LAMA1: variants seen among roughly 807,000 people sequenced by gnomAD.
LAMA1 encodes laminin subunit alpha-1.
In LAMA1, 219 loss-of-function variants were observed where a neutral mutation model predicts 348.7. That is an observed-to-expected ratio of 0.63 (90% CI 0.56 to 0.70). The LOEUF (loss-of-function observed/expected upper bound fraction) is 0.70, where lower values mean the gene tolerates loss of function less well. Among genes scored for constraint, LAMA1 ranks in the 30% least tolerant of loss-of-function variants. LAMA1 has a pLI of 0.00. For synonymous variants in LAMA1, 1,487 were observed against 1,491.0 expected (o/e 1.00, Z 0.06); for missense variants, 3,744 against 3,888.0 (o/e 0.96, Z 0.99).
chr18:6,998,925 C>T lies in LAMA1; in HGVS notation c.4663+520G>A, dbSNP rs186237179. Among the ~76,000 whole-genome samples, 205 of 152,022 alleles carry T rather than the reference C, an allele frequency of 1.3e-3. No homozygotes were observed. In the Middle Eastern group the frequency reaches 0.024, roughly 18 times the overall value. The stretch of plus-strand genomic sequence containing the variant: ...GTGGACACCTGTGATCCCAGCTACT[C>T]GGGAGGCTGAGGCAGAGGAATCACT... On this transcript the variant is annotated intron_variant, in intron 32 of 62. Coordinates refer to ENST00000389658, the MANE Select transcript of LAMA1 (RefSeq NM_005559.4).
intron 5 of LAMA1, among the ~76,000 whole-genome samples, chr18:7,047,585 CA>C (rs1219607403): frequency 3.3e-5 from 5 of 152,008 alleles, no homozygotes; most frequent in Non-Finnish European, 7.4e-5. Flanking sequence ...CAGAAATTAA[CA>C]AACTGATTCT....
rs753520928 is a variant in LAMA1 at position 7,012,070 on chromosome 18, G to A, written c.3432C>T (p.Pro1144=). 1.9e-6 allele frequency: 3 copies of A among 1,613,044 alleles called. No homozygotes were observed. Among genetic ancestry groups the A allele is most frequent in the Non-Finnish European group, 2.5e-6 (3 of 1,179,562 alleles). The change falls in exon 24 of 63, where the codon CCC becomes CCT. Residue 1144 remains proline, a synonymous_variant. Transcript: ENST00000389658. ...EGTFALRADN[P]LGCSPCFCSG... ...AGCAGAAGCACGGGCTGCAGCCCAG[G>A]GGGTTGTCTGCGCGGAGAGCGAAGG... is the stretch of plus-strand genomic sequence containing the variant.
intron 44 of LAMA1, among the ~76,000 whole-genome samples, chr18:6,976,588 A>ACATTTATT (rs751868026): frequency 9.5e-4 from 141 of 148,308 alleles, no homozygotes; most frequent in African/African-American, 2.2e-3. Context: ...CCTTGGGCTT[A>ACATTTATT]TATTTATTTA....
chr18:7,004,026 G>C (rs148689655), intron 29 of LAMA1, among the ~76,000 whole-genome samples: 5 of 152,276 alleles, frequency 3.3e-5, no homozygotes, highest in Non-Finnish European at 7.3e-5. Flanking sequence ...TAGATGATGA[G>C]AGAGAATTGA....
chr18:6,983,288 A>G (rs2057720461), intron 39 of LAMA1, 54 bp from the exon 40 acceptor site: 4 of 1,596,638 alleles, frequency 2.5e-6, no homozygotes, highest in African/African-American at 1.3e-5. Context: ...AAACTTGCCA[A>G]TTCACTCACA....
chr18:7,007,884 G>A (rs984768686), intron 28 of LAMA1, among the ~76,000 whole-genome samples: 4 of 151,718 alleles, frequency 2.6e-5, no homozygotes, highest in Non-Finnish European at 5.9e-5. Flanking sequence ...CAAGCCATTC[G>A]CAAAAAGACA....
chr18:6,968,323 G>A (rs1340456992), intron 48 of LAMA1, among the ~76,000 whole-genome samples: 1 of 152,176 alleles, frequency 6.6e-6, no homozygotes, highest in African/African-American at 2.4e-5. Flanking sequence ...GGATAATCCG[G>A]AGCTGACCTA....
At chr18:7,031,804 TTTATA>T (rs1300772623) in intron 16 of LAMA1, among the ~76,000 whole-genome samples, 1 of 151,932 alleles carries the variant, frequency 6.6e-6, no homozygotes, top group Non-Finnish European at 1.5e-5. Flanking sequence ...AAACAATTAC[TTTATA>T]TTAATCTAAT....
intron 52 of LAMA1, 77 bp from the exon 53 acceptor site, chr18:6,961,836 T>C: frequency 6.4e-7 from 1 of 1,573,120 alleles, no homozygotes; most frequent in Non-Finnish European, 8.8e-7. Flanking sequence ...ACACTGCTGA[T>C]TTCCCCATCA....
In LAMA1 at chr18:7,010,308, C is replaced by T; in HGVS notation, c.3765G>A (p.Glu1255=). Residue 1255 remains glutamate, a synonymous_variant, in exon 26 of 63, where the codon GAG becomes GAA. Transcript: ENST00000389658. ...SLDGVGTSNF[E]PQVLIKGGRI... is the part of the protein sequence containing the mutation. ...GACCACCTTTGATGAGAACTTGAGG[C>T]TCAAAATTGGAGGTGCCGACGCCAT... is the stretch of plus-strand genomic sequence containing the variant. The T allele has an allele frequency of 6.2e-7, 1 of 1,614,172 alleles. No homozygotes were observed. Among genetic ancestry groups the T allele is most frequent in the Non-Finnish European group, 8.5e-7 (1 of 1,180,040 alleles).
intron 8 of LAMA1, chr18:7,042,754 A>G (rs477401): frequency 0.16 from 34,050 of 206,370 alleles, 10,196 homozygotes; most frequent in African/African-American, 0.68. Flanking sequence ...GTGGTGGAAC[A>G]TGCCTGTAAT....
chr18:7,016,707 A>C, intron 20 of LAMA1, 36 bp from the exon 21 acceptor site: 2 of 1,554,018 alleles, frequency 1.3e-6, no homozygotes, highest in East Asian at 2.3e-5. Context: ...GGAAACCAAC[A>C]TACGTTTTAA....
intron 3 of LAMA1, among the ~76,000 whole-genome samples, chr18:7,076,496 A>G (rs1179428517): frequency 6.6e-6 from 1 of 152,206 alleles, no homozygotes; most frequent in Non-Finnish European, 1.5e-5. Context: ...AAAACCATGA[A>G]GAAACAATCT....
Position 6,982,558 on chromosome 18 carries a change from C to T in LAMA1, c.5829G>A (p.Ala1943=), listed in dbSNP as rs779914431. 12 of 1,614,052 alleles carry T rather than the reference C, an allele frequency of 7.4e-6. No individual in the cohort carries two copies. The African/African-American group carries it at 1.2e-4, about 16-fold the overall frequency. ...LSESLVSNGK[A]AVQRSSRFLK... Reference sequence around the variant, plus strand: ...GAAATCTGGAGCTGCGCTGCACGGCCGCTTTCCCGTTAGAAACAAGGGATT... The same window carrying T: ...GAAATCTGGAGCTGCGCTGCACGGCTGCTTTCCCGTTAGAAACAAGGGATT... Residue 1943 remains alanine (A), a synonymous_variant, in exon 41 of 63, where the codon GCG becomes GCA. Transcript: ENST00000389658.
At chr18:7,044,569 G>A (rs1263480055) in intron 7 of LAMA1, among the ~76,000 whole-genome samples, 153 bp downstream of exon 7, 1 of 152,162 alleles carries the variant, frequency 6.6e-6, no homozygotes, top group East Asian at 1.9e-4. Context: ...GGCCACAATA[G>A]TTAAAATTTT....
intron 1 of LAMA1, among the ~76,000 whole-genome samples, chr18:7,085,218 T>G (rs998269005): frequency 1.3e-5 from 2 of 152,040 alleles, no homozygotes; most frequent in Non-Finnish European, 1.5e-5. Context: ...GGTTGAATAA[T>G]CAGGGTGGCT....
At chr18:7,096,198 G>A (rs999662652) in intron 1 of LAMA1, among the ~76,000 whole-genome samples, 5 of 152,204 alleles carry the variant, frequency 3.3e-5, no homozygotes, top group African/African-American at 9.7e-5. Context: ...TCTCCAATCC[G>A]GAATACTGCC....
rs1163798144 is a variant in LAMA1 at position 6,965,443 on chromosome 18, G to T, written c.7051-11C>A. ...GGATAAAAAGTCTTTCTGTAAAAAAGAGAACACAGTTCCCCAGGTTATAGC... is the reference window on the plus strand; with the variant it reads ...GGATAAAAAGTCTTTCTGTAAAAAATAGAACACAGTTCCCCAGGTTATAGC... On this transcript the variant is annotated splice_polypyrimidine_tract_variant and intron_variant, in intron 49 of 62. Transcript: ENST00000389658. The T allele has an allele frequency of 1.2e-6, 2 of 1,614,118 alleles. No homozygotes were observed. Among genetic ancestry groups the T allele is most frequent in the Middle Eastern group, 3.3e-4 (2 of 6,062 alleles).
intron 48 of LAMA1, among the ~76,000 whole-genome samples, 162 bp downstream of exon 48, chr18:6,971,695 A>G (rs1355311114): frequency 6.6e-6 from 1 of 152,082 alleles, no homozygotes; most frequent in East Asian, 1.9e-4. Flanking sequence ...TTTTTTGACA[A>G]TAAACGTATG....
Sources: gnomAD v4.1 joint callset for allele counts (sites outside exome capture counted in the v4.1 genomes callset) on GRCh38, gnomAD v4.1.1 for gene constraint, MANE v1.5 for transcripts, NCBI Gene and HGNC (gene_info 2026-07-23, HGNC 2026-07-21) for gene names.